LNX1: variants seen among roughly 807,000 people sequenced by gnomAD.
The protein encoded by LNX1 is E3 ubiquitin-protein ligase LNX.
A neutral mutation model predicts 68.4 loss-of-function variants in LNX1; 54 were observed. The ratio of observed to expected loss-of-function variants is 0.79; its 90% CI spans 0.63 to 0.99. The LOEUF is 0.99. Ranked by LOEUF, LNX1 falls within the 50% of genes least tolerant of loss-of-function variation. The probability of loss-of-function intolerance (pLI) is 0.00; values close to 1 mark genes in which losing one functional copy is unlikely to be tolerated. For missense variants in LNX1, 906 were observed against 926.4 expected (o/e 0.98, Z 0.29); for synonymous variants, 336 against 350.0 (o/e 0.96, Z 0.45).
intron 9 of LNX1, among the ~76,000 whole-genome samples, chr4:53,470,486 C>T (rs1230245236): frequency 1.3e-5 from 2 of 152,094 alleles, no homozygotes; most frequent in East Asian, 1.9e-4. Flanking sequence ...GAAGTTCTGG[C>T]CAGGGCAATC....
chr4:53,527,109 A>G (rs1727674981), intron 2 of LNX1, among the ~76,000 whole-genome samples: 1 of 151,760 alleles, frequency 6.6e-6, no homozygotes, highest in South Asian at 2.1e-4. Context: ...TTGTGTGTAT[A>G]AACATTAGTT....
At chr4:53,532,424 G>A (rs531651920) in intron 2 of LNX1, among the ~76,000 whole-genome samples, 92 of 152,128 alleles carry the variant, frequency 6.0e-4, no homozygotes, top group Non-Finnish European at 9.3e-4. Context: ...GTAGTGAGCC[G>A]AGATAGACTC....
chr4:53,512,307 T>TG (rs140464929), intron 2 of LNX1, among the ~76,000 whole-genome samples: 18,211 of 152,086 alleles, frequency 0.12, 1,190 homozygotes, highest in East Asian at 0.17. Flanking sequence ...AAAAACACTG[T>TG]GTGGTCCAAA....
At chr4:53,529,992 A>G (rs950810685) in intron 2 of LNX1, among the ~76,000 whole-genome samples, 16 of 152,104 alleles carry the variant, frequency 1.1e-4, no homozygotes, top group African/African-American at 3.9e-4. Flanking sequence ...CTCAATATGG[A>G]AAAAAAACTT....
intron 9 of LNX1, among the ~76,000 whole-genome samples, chr4:53,475,578 C>T (rs1416608050): frequency 1.3e-5 from 2 of 152,198 alleles, no homozygotes; most frequent in African/African-American, 4.8e-5. Context: ...CTAAACGTCT[C>T]ACTTTCATTT....
intron 1 of LNX1, among the ~76,000 whole-genome samples, chr4:53,628,359 T>C (rs1313193781): frequency 6.6e-6 from 1 of 151,996 alleles, no homozygotes; most frequent in Admixed American, 6.6e-5. Context: ...TCAAAAAAAG[T>C]TATACAAATA....
At chr4:53,473,706 AGGCTTAGTACCTG>A (rs1413843946) in intron 9 of LNX1, among the ~76,000 whole-genome samples, 4 of 152,178 alleles carry the variant, frequency 2.6e-5, no homozygotes, top group Non-Finnish European at 5.9e-5. Context: ...AATGAGTACT[AGGCTTAGTACCTG>A]GGTACTGAAC....
At chr4:53,523,728 A>G (rs1361309303) in intron 2 of LNX1, among the ~76,000 whole-genome samples, 1 of 152,242 alleles carries the variant, frequency 6.6e-6, no homozygotes, top group Non-Finnish European at 1.5e-5. Flanking sequence ...AAATGAAGAC[A>G]GACCCAGATG....
chr4:53,484,581 T>C (rs1283884125), intron 6 of LNX1, among the ~76,000 whole-genome samples: 2 of 150,758 alleles, frequency 1.3e-5, no homozygotes, highest in African/African-American at 4.9e-5. Context: ...AAAAAAAAAA[T>C]CTTTAGTAAA....
chr4:53,507,023 G>A (rs1324305066), intron 4 of LNX1, among the ~76,000 whole-genome samples: 1 of 152,046 alleles, frequency 6.6e-6, no homozygotes, highest in Non-Finnish European at 1.5e-5. Context: ...GCCAGTCATT[G>A]TTTTAAATGT....
chr4:53,641,697 G>A (rs1245100389), intron 1 of LNX1, among the ~76,000 whole-genome samples: 2 of 152,010 alleles, frequency 1.3e-5, no homozygotes, highest in Non-Finnish European at 2.9e-5. Context: ...CATTCACCAG[G>A]TCCCCAGGCA....
chr4:53,586,260 G>A (rs760823923), intron 1 of LNX1, among the ~76,000 whole-genome samples: 18 of 152,212 alleles, frequency 1.2e-4, no homozygotes, highest in Middle Eastern at 6.8e-3. Flanking sequence ...GTATTCATGC[G>A]AGTATGCAGG....
intron 1 of LNX1, among the ~76,000 whole-genome samples, chr4:53,639,873 A>G (rs1734613002): frequency 6.6e-6 from 1 of 152,124 alleles, no homozygotes; most frequent in African/African-American, 2.4e-5. Context: ...CTCTACTAAA[A>G]ATAAAAAAAA....
rs1350839771 is a variant in LNX1, at chr4:53,609,734, A to AG, written c.-215+6782_-215+6783insC. On this transcript the variant is annotated intron_variant, in intron 2 of 3. Transcript: ENST00000504299. The stretch of plus-strand genomic sequence containing the variant: ...TATAATATATAGTACAATATATAAT[A>AG]TACTATTATATATTATATATAATAT... Among the ~76,000 whole-genome samples the AG allele has an allele frequency of 2.3e-3, 331 of 141,670 alleles. 1 individual carries two copies. The highest frequency in any genetic ancestry group is 8.3e-3 in the African/African-American group (327 of 39,590). The allele number at this position is 141,670 out of a possible 152,430, so 92.9% of individuals were successfully genotyped here. A position where few individuals can be genotyped will look rare whatever the true frequency, so the allele number is the denominator to read the frequency against.
At chr4:53,557,895 A>G (rs1730027371) in intron 2 of LNX1, 1 of 1,613,598 alleles carries the variant, frequency 6.2e-7, no homozygotes, top group Admixed American at 1.7e-5. Flanking sequence ...CAGGAAGTGC[A>G]GGTTGCCCAC....
chr4:53,516,860 A>G (rs1459003302), intron 2 of LNX1, among the ~76,000 whole-genome samples: 4 of 152,118 alleles, frequency 2.6e-5, no homozygotes, highest in African/African-American at 9.7e-5. Context: ...CCAAGACAGG[A>G]GAGGGGAGGA....
intron 2 of LNX1, among the ~76,000 whole-genome samples, chr4:53,565,589 G>C (rs1426712891): frequency 6.6e-6 from 1 of 151,004 alleles, no homozygotes; most frequent in Non-Finnish European, 1.5e-5. Context: ...AAATCAGAGC[G>C]CCTCTCCTCC....
At chr4:53,620,884 G>T (rs1393787836), upstream of LNX1, among the ~76,000 whole-genome samples, 1 of 152,144 alleles carries the variant, frequency 6.6e-6, no homozygotes, top group South Asian at 2.1e-4. Flanking sequence ...GGATGAGAAA[G>T]CTTCCCTGCA....
chr4:53,504,737 T>C (rs1238054590), intron 4 of LNX1, among the ~76,000 whole-genome samples: 1 of 152,192 alleles, frequency 6.6e-6, no homozygotes, highest in African/African-American at 2.4e-5. Context: ...AAGGCTATTG[T>C]AGGGTTACTA....
Sources: gnomAD v4.1 joint callset for allele counts (sites outside exome capture counted in the v4.1 genomes callset) on GRCh38, gnomAD v4.1.1 for gene constraint, MANE v1.5 for transcripts, NCBI Gene and HGNC (gene_info 2026-07-23, HGNC 2026-07-21) for gene names.